Variants in UBE2E3 observed in about 807,000 individuals in gnomAD.
The protein encoded by UBE2E3 is ubiquitin-conjugating enzyme E2 E3.
A neutral mutation model predicts 23.6 loss-of-function variants in UBE2E3; 5 were observed. The ratio of observed to expected loss-of-function variants is 0.21; its 90% CI spans 0.11 to 0.44. The LOEUF is 0.44. Among genes scored for constraint, UBE2E3 ranks in the 20% least tolerant of loss-of-function variants. The pLI is 0.99. For missense variants in UBE2E3, 81 were observed against 249.8 expected, an observed-to-expected ratio of 0.32 and a Z score of 4.55; for synonymous variants, 78 against 87.5, an observed-to-expected ratio of 0.89 and a Z score of 0.60.
At chr2:181,061,567 T>C (rs1448969531) in intron 5 of UBE2E3, among the ~76,000 whole-genome samples, 6 of 151,610 alleles carry the variant, frequency 4.0e-5, no homozygotes, top group African/African-American at 1.5e-4. Context: ...TAATTAGTTA[T>C]ATAAAGTGTA....
intron 3 of UBE2E3, among the ~76,000 whole-genome samples, chr2:181,042,018 A>G (rs1686525585): frequency 6.6e-6 from 1 of 152,222 alleles, no homozygotes; most frequent in Non-Finnish European, 1.5e-5. Context: ...AGCCTTCTGC[A>G]TTTGTCAAAA....
intron 3 of UBE2E3, among the ~76,000 whole-genome samples, chr2:180,988,903 C>A (rs1254519345): frequency 6.6e-6 from 1 of 151,420 alleles, no homozygotes; most frequent in Non-Finnish European, 1.5e-5. Context: ...ATTTTCAATT[C>A]TTCAAAAAAA....
At chr2:181,053,903 G>A (rs1170647234) in intron 3 of UBE2E3, among the ~76,000 whole-genome samples, 1 of 151,706 alleles carries the variant, frequency 6.6e-6, no homozygotes, top group Non-Finnish European at 1.5e-5. Context: ...TACTGTTTCT[G>A]TAGTTTTGCC....
At chr2:181,053,870 C>T (rs558805112) in intron 3 of UBE2E3, among the ~76,000 whole-genome samples, 1 of 151,944 alleles carries the variant, frequency 6.6e-6, no homozygotes, top group Non-Finnish European at 1.5e-5. Context: ...ACCCCACTAA[C>T]CCCTGGCAAC....
intron 3 of UBE2E3, among the ~76,000 whole-genome samples, chr2:181,013,872 G>A (rs1685406691): frequency 6.6e-6 from 1 of 152,180 alleles, no homozygotes. Flanking sequence ...TTCTGAAAAA[G>A]CATTTGGACC....
chr2:180,996,972 A>G lies in UBE2E3; in HGVS notation c.245+12879A>G, dbSNP rs142505607. ...TTGTGCATGAGCTTAATGTGTACGT[A>G]TGCACACATGGCTCTTATAAATATG... On this transcript the variant is annotated intron_variant, in intron 3 of 5. Coordinates refer to ENST00000410062, the MANE Select transcript of UBE2E3 (RefSeq NM_006357.4). Among the ~76,000 whole-genome samples, 694 of 152,222 alleles carry G rather than the reference A, an allele frequency of 4.6e-3. 6 individuals are homozygous for G. Among genetic ancestry groups the G allele is most frequent in the African/African-American group, 0.016 (651 of 41,536 alleles).
At chr2:181,052,411 A>G (rs1362838883) in intron 3 of UBE2E3, among the ~76,000 whole-genome samples, 1 of 151,940 alleles carries the variant, frequency 6.6e-6, no homozygotes, top group Non-Finnish European at 1.5e-5. Context: ...TTAAAAGCAT[A>G]AAACAAAACA....
At chr2:180,984,010 A>C in intron 2 of UBE2E3, 33 bp from the exon 3 acceptor site, 1 of 1,587,602 alleles carries the variant, frequency 6.3e-7, no homozygotes. Context: ...GACTATATCA[A>C]ATCCTTTTTG....
intron 3 of UBE2E3, among the ~76,000 whole-genome samples, chr2:181,002,014 T>G (rs62180115): frequency 0.23 from 35,301 of 152,006 alleles, 4,461 homozygotes; most frequent in Non-Finnish European, 0.28. Flanking sequence ...ATATGGAGAT[T>G]GAAGGGCTTG....
At position 181,063,035 on chromosome 2, in the gene UBE2E3, C is replaced by A. The variant is rs1190717554; in HGVS notation, c.*147C>A. 2.1e-5 allele frequency: 9 copies of A among 422,510 alleles called. No homozygotes were observed. The South Asian group carries it at 5.9e-4, about 28-fold the overall frequency. 26.2% of individuals were successfully genotyped at this position (422,510 alleles called of 1,614,324 possible). On this transcript the variant is annotated 3_prime_UTR_variant, in exon 6 of 6. Transcript: ENST00000410062. The surrounding 1 kb of genome is among the most constrained non-coding windows in gnomAD (Gnocchi z 4.1). The stretch of plus-strand genomic sequence containing the variant: ...ATCCTTTGGAGCCTGGGAGACTCCC[C>A]AAAAAGGTAAATGCTATCAAGAGTA...
At chr2:181,023,211 G>C (rs982670924) in intron 3 of UBE2E3, among the ~76,000 whole-genome samples, 2 of 152,134 alleles carry the variant, frequency 1.3e-5, no homozygotes, top group Admixed American at 1.3e-4. Flanking sequence ...TTTAGGAGTA[G>C]GTGAATTCAC....
chr2:181,063,013 C>G lies in UBE2E3; in HGVS notation c.*125C>G. ...ATACTGATTCTACTCTGCTTTTATC[C>G]TTTGGAGCCTGGGAGACTCCCCAAA... On this transcript the variant is annotated 3_prime_UTR_variant, in exon 6 of 6. Coordinates refer to ENST00000410062, the MANE Select transcript of UBE2E3 (RefSeq NM_006357.4). This position sits in a 1 kb window ranked among gnomAD's most constrained non-coding sequence, Gnocchi z 4.1. The G allele has an allele frequency of 2.1e-6, 1 of 474,648 alleles. No homozygotes were observed. Among genetic ancestry groups the G allele is most frequent in the African/African-American group, 2.0e-5 (1 of 49,544 alleles). 29.4% of individuals were successfully genotyped at this position (474,648 alleles called of 1,614,324 possible).
intron 3 of UBE2E3, among the ~76,000 whole-genome samples, chr2:181,032,442 C>T (rs1232919451): frequency 6.6e-6 from 1 of 152,072 alleles, no homozygotes; most frequent in Admixed American, 6.6e-5. Context: ...CCCTATTTAA[C>T]GAACCTCTGT....
chr2:181,010,854 A>G (rs963772342), intron 3 of UBE2E3, among the ~76,000 whole-genome samples: 2 of 151,454 alleles, frequency 1.3e-5, no homozygotes, highest in Non-Finnish European at 2.9e-5. Context: ...TTTATTGGCA[A>G]CATTCAAATC....
At chr2:181,029,983 G>A (rs1001683709) in intron 3 of UBE2E3, among the ~76,000 whole-genome samples, 5 of 151,688 alleles carry the variant, frequency 3.3e-5, no homozygotes, top group South Asian at 2.1e-4. Flanking sequence ...ACAGGCGCCC[G>A]CCACCATGCC....
chr2:181,048,143 G>T (rs1271173533), intron 3 of UBE2E3, among the ~76,000 whole-genome samples: 4 of 152,032 alleles, frequency 2.6e-5, no homozygotes, highest in Non-Finnish European at 5.9e-5. Context: ...TGCTTCCTCT[G>T]ACTCTTCCCT....
At chr2:180,999,374 C>T (rs947243791) in intron 3 of UBE2E3, among the ~76,000 whole-genome samples, 2 of 152,116 alleles carry the variant, frequency 1.3e-5, no homozygotes, top group African/African-American at 2.4e-5. Context: ...CTTTTGGGTA[C>T]TGTGAATAGT....
intron 3 of UBE2E3, among the ~76,000 whole-genome samples, chr2:181,002,646 A>T (rs1030385287): frequency 2.0e-5 from 3 of 152,236 alleles, no homozygotes; most frequent in African/African-American, 7.2e-5. Flanking sequence ...CTAATGTAAT[A>T]TAAAAATTAA....
chr2:181,009,973 G>A (rs1444442234), intron 3 of UBE2E3, among the ~76,000 whole-genome samples: 1 of 151,760 alleles, frequency 6.6e-6, no homozygotes, highest in Middle Eastern at 3.4e-3. Flanking sequence ...AAGTGTATTT[G>A]TATTTTGATA....
Sources: allele counts gnomAD v4.1 joint callset (sites outside exome capture counted in the v4.1 genomes callset), GRCh38; gene constraint gnomAD v4.1.1; non-coding constraint Gnocchi (gnomAD v3.1); transcripts MANE v1.5; gene names NCBI Gene and HGNC (gene_info 2026-07-23, HGNC 2026-07-21).